NUMBL: variants seen among roughly 807,000 people sequenced by gnomAD.
NUMBL encodes numb-like protein.
Under a neutral mutation model 48.9 loss-of-function variants are expected in NUMBL, and 20 were observed. The observed-to-expected ratio is 0.41, with a 90% CI of 0.29 to 0.59. The LOEUF is 0.59. NUMBL is among the 20% of genes least tolerant of loss of function. The probability of loss-of-function intolerance (pLI) is 0.31; values close to 1 mark genes in which losing one functional copy is unlikely to be tolerated. For missense variants in NUMBL, 660 were observed against 846.2 expected (o/e 0.78, Z 2.73); for synonymous variants, 340 against 348.7 (o/e 0.98, Z 0.28).
At chr19:40,669,842 G>A (rs1284218464) in intron 9 of NUMBL, 56 bp downstream of exon 9, 1 of 1,588,682 alleles carries the variant, frequency 6.3e-7, no homozygotes, top group African/African-American at 1.3e-5. Flanking sequence ...CTGGATAGAG[G>A]AGGGGATACA....
At chr19:40,690,355 C>A in intron 1 of NUMBL, 105 bp downstream of exon 1, 2 of 659,618 alleles carry the variant, frequency 3.0e-6, no homozygotes, top group South Asian at 5.9e-5. Context: ...CCTCTCCAGC[C>A]TTGGCACCCT....
intron 7 of NUMBL, among the ~76,000 whole-genome samples, chr19:40,676,952 T>C (rs1160417728): frequency 6.6e-6 from 1 of 152,018 alleles, no homozygotes; most frequent in Non-Finnish European, 1.5e-5. Context: ...GTAGTTGGGA[T>C]TACAGGCGTA....
chr19:40,684,560 G>T lies in NUMBL; in HGVS notation c.110-4C>A. 1 of 1,605,302 alleles carries T rather than the reference G, an allele frequency of 6.2e-7. No individual in the cohort carries two copies. The highest frequency in any genetic ancestry group is 8.5e-7 in the Non-Finnish European group (1 of 1,174,718). On this transcript the variant is annotated splice_region_variant and splice_polypyrimidine_tract_variant and intron_variant, in intron 2 of 9. Coordinates refer to ENST00000252891, the MANE Select transcript of NUMBL (RefSeq NM_004756.5). ...TTGTTCATGGTGCCCGCCCCGTCTG[G>T]TGACACAGGACAGTGATGTGGGTCA...
intron 9 of NUMBL, among the ~76,000 whole-genome samples, chr19:40,668,842 A>G (rs1414481427): frequency 2.0e-5 from 3 of 152,210 alleles, no homozygotes; most frequent in African/African-American, 7.2e-5. Context: ...CTAAGATTGC[A>G]TGGATCTTTC....
At chr19:40,679,439 G>A (rs1205839566) in intron 6 of NUMBL, among the ~76,000 whole-genome samples, 1 of 152,168 alleles carries the variant, frequency 6.6e-6, no homozygotes, top group Non-Finnish European at 1.5e-5. Flanking sequence ...AGCACTTTGG[G>A]AGGCAGAGGC....
chr19:40,677,357 C>G lies in NUMBL; in HGVS notation c.605G>C (p.Arg202Pro). 2 of 1,612,186 alleles carry G rather than the reference C, an allele frequency of 1.2e-6. No individual in the cohort carries two copies. Among genetic ancestry groups the G allele is most frequent in the Non-Finnish European group, 1.7e-6 (2 of 1,179,964 alleles). Residue 202 changes from arginine to proline, a missense_variant, in exon 7 of 10, where the codon CGG (arginine) becomes CCG (proline). Coordinates refer to ENST00000252891, the MANE Select transcript of NUMBL (RefSeq NM_004756.5). ...FAACLERKQR[R>P]EKECGVTAAF... The stretch of plus-strand genomic sequence containing the variant: ...GGCCGTGACCCCACATTCCTTCTCC[C>G]GTCGCTGTTTTCGCTCCAGGCAGGC...
At position 40,684,542 on chromosome 19, in the gene NUMBL, T is replaced by C; in HGVS notation, c.124A>G (p.Met42Val). Residue 42 changes from methionine to valine, a missense_variant, in exon 3 of 10, where the codon ATG (methionine) becomes GTG (valine). Met to Val is a conservative substitution (Grantham distance 21, BLOSUM62 1). Transcript: ENST00000252891. The part of the protein sequence containing the change: ...CRTEPDGAGT[M>V]NKLRQSLRRR... The stretch of plus-strand genomic sequence containing the variant: ...CGCAGGCTCTGCCGTAACTTGTTCA[T>C]GGTGCCCGCCCCGTCTGGTGACACA... 1 of 1,610,088 alleles carries C rather than the reference T, an allele frequency of 6.2e-7. No homozygotes were observed. Among genetic ancestry groups the C allele is most frequent in the Non-Finnish European group, 8.5e-7 (1 of 1,177,842 alleles).
In NUMBL at chr19:40,667,941, C is replaced by T. The variant is rs746765421; in HGVS notation, c.1357G>A (p.Val453Met). 5.1e-6 allele frequency: 8 copies of T among 1,567,478 alleles called. No homozygotes were observed. Among genetic ancestry groups the T allele is most frequent in the Non-Finnish European group, 6.9e-6 (8 of 1,156,398 alleles). ...TGCAGGGCAGGAGGCATGGTGGGCA[C>T]TGGGGCCACTGAGGCTGCTTGCTGC... The part of the protein sequence containing the change: ...QQQQAASVAP[V>M]PTMPPALQPF... The change falls in exon 10 of 10, where the codon GTG (valine) becomes ATG (methionine). Residue 453 changes from valine (V) to methionine (M), a missense_variant. Val to Met is a conservative substitution (Grantham distance 21, BLOSUM62 1). Transcript: ENST00000252891. This position sits in a 1 kb window ranked among gnomAD's most constrained non-coding sequence, Gnocchi z 6.1.
At chr19:40,680,325 T>C (rs2081898449) in intron 6 of NUMBL, among the ~76,000 whole-genome samples, 1 of 152,132 alleles carries the variant, frequency 6.6e-6, no homozygotes, top group Non-Finnish European at 1.5e-5. Flanking sequence ...TTTTTTTGTA[T>C]TTTTAGTAGA....
At chr19:40,680,268 C>G (rs142455184) in intron 6 of NUMBL, among the ~76,000 whole-genome samples, 1 of 151,414 alleles carries the variant, frequency 6.6e-6, no homozygotes, top group East Asian at 2.0e-4. Context: ...CTACCTCAGC[C>G]TCTGGAGTAG....
At chr19:40,675,163 A>C (rs539285299) in intron 7 of NUMBL, among the ~76,000 whole-genome samples, 1 of 148,298 alleles carries the variant, frequency 6.7e-6, no homozygotes, top group Non-Finnish European at 1.5e-5. Flanking sequence ...AAAAAAAAAA[A>C]AAAAAAACTT....
intron 6 of NUMBL, 57 bp from the exon 7 acceptor site, chr19:40,677,478 C>T (rs971100852): frequency 9.9e-6 from 15 of 1,519,786 alleles, no homozygotes; most frequent in Non-Finnish European, 1.2e-5. Context: ...GGACAGGGGC[C>T]AGGGGCACTG....
In NUMBL at chr19:40,682,388, G is replaced by T. The variant is rs1402235485; in HGVS notation, c.399+340C>A. ...AATCTACCCTCCTTGGCCTCCCAAA[G>T]TACTGGGATTACAGGCGTGAGCCAC... On this transcript the variant is annotated intron_variant, in intron 5 of 9. Transcript: ENST00000252891. This position sits in a 1 kb window ranked among gnomAD's most constrained non-coding sequence, Gnocchi z 4.0. Among the ~76,000 whole-genome samples the T allele has an allele frequency of 4.6e-5, 7 of 152,272 alleles. No homozygotes were observed. Among genetic ancestry groups the T allele is most frequent in the Admixed American group, 3.3e-4 (5 of 15,288 alleles).
chr19:40,677,159 C>T (rs2081880511), intron 7 of NUMBL, 73 bp downstream of exon 7: 1 of 1,473,612 alleles, frequency 6.8e-7, no homozygotes, highest in Admixed American at 2.1e-5. Flanking sequence ...TGCACCTCTG[C>T]AGCTCCCTGC....
rs764322537 is a variant in NUMBL, at chr19:40,684,491, C to T, written c.175G>A (p.Glu59Lys). The part of the protein sequence containing the change: ...LRRRKPAYVP[E>K]ASRPHQWQAD... ...TGCCACTGGTGCGGGCGCGACGCCTCGGGCACGTAGGCTGGCTTCCTCCGC... is the reference window on the plus strand; with the variant it reads ...TGCCACTGGTGCGGGCGCGACGCCTTGGGCACGTAGGCTGGCTTCCTCCGC... The change falls in exon 3 of 10, where the codon GAG (glutamate) becomes AAG (lysine). Residue 59 changes from glutamate to lysine, a missense_variant. Coordinates refer to ENST00000252891, the MANE Select transcript of NUMBL (RefSeq NM_004756.5). The T allele has an allele frequency of 1.2e-5, 19 of 1,598,436 alleles. No homozygotes were observed. Among genetic ancestry groups the T allele is most frequent in the Non-Finnish European group, 1.3e-5 (15 of 1,173,270 alleles).
At position 40,673,435 on chromosome 19, in the gene NUMBL, C is replaced by T; in HGVS notation, c.945G>A (p.Lys315=). ...SFRGFPALSQ[K]NSPFKRQLSL... is the part of the protein sequence containing the mutation. ...TCAGCTGCCGTTTGAAAGGCGAGTT[C>T]TTCTGGCTGAGTGCTGGGAACCCAC... The change falls in exon 8 of 10, where the codon AAG becomes AAA. Residue 315 remains lysine, a synonymous_variant. Transcript: ENST00000252891. This position sits in a 1 kb window ranked among gnomAD's most constrained non-coding sequence, Gnocchi z 5.9. The T allele has an allele frequency of 6.2e-7, 1 of 1,612,590 alleles. No homozygotes were observed. Among genetic ancestry groups the T allele is most frequent in the Non-Finnish European group, 8.5e-7 (1 of 1,179,324 alleles).
At chr19:40,683,159 T>A in intron 3 of NUMBL, 191 bp from the exon 4 acceptor site, 1 of 640,434 alleles carries the variant, frequency 1.6e-6, no homozygotes, top group Non-Finnish European at 2.8e-6. Context: ...ATGGGGAAAC[T>A]GAAGCACAGC....
At chr19:40,674,991 A>G (rs1277886670) in intron 7 of NUMBL, among the ~76,000 whole-genome samples, 4 of 151,926 alleles carry the variant, frequency 2.6e-5, no homozygotes, top group African/African-American at 9.7e-5. Context: ...ATACAAAAAA[A>G]GATTAGCTGG....
At chr19:40,686,668 T>G (rs1024012519) in intron 2 of NUMBL, among the ~76,000 whole-genome samples, 1 of 149,302 alleles carries the variant, frequency 6.7e-6, no homozygotes, top group Non-Finnish European at 1.5e-5. Context: ...TGTGTGTGTG[T>G]GTGTGTCTCT....
Sources: allele counts gnomAD v4.1 joint callset (sites outside exome capture counted in the v4.1 genomes callset), GRCh38; gene constraint gnomAD v4.1.1; non-coding constraint Gnocchi (gnomAD v3.1); transcripts MANE v1.5; gene names NCBI Gene and HGNC (gene_info 2026-07-23, HGNC 2026-07-21).